MAN1C1: variants seen among roughly 807,000 people sequenced by gnomAD.
MAN1C1 encodes mannosidase alpha class 1C member 1.
Under a neutral mutation model 71.5 loss-of-function variants are expected in MAN1C1, and 49 were observed. The ratio of observed to expected loss-of-function variants is 0.69; its 90% CI spans 0.54 to 0.87. MAN1C1 has a LOEUF of 0.87. Ranked by LOEUF, MAN1C1 falls within the 40% of genes least tolerant of loss-of-function variation. MAN1C1 has a pLI of 0.00. For missense variants in MAN1C1, 743 were observed against 835.0 expected (o/e 0.89, Z 1.36); for synonymous variants, 352 against 343.7 (o/e 1.02, Z -0.27).
intron 6 of MAN1C1, among the ~76,000 whole-genome samples, chr1:25,762,890 A>G (rs1343020356): frequency 6.6e-6 from 1 of 152,194 alleles, no homozygotes; most frequent in Non-Finnish European, 1.5e-5. Context: ...GGATTGCTGG[A>G]TTTGACCATT....
intron 1 of MAN1C1, among the ~76,000 whole-genome samples, chr1:25,681,893 C>T (rs2046160001): frequency 1.3e-5 from 2 of 151,902 alleles, no homozygotes; most frequent in Non-Finnish European, 2.9e-5. Context: ...AAATGATGAT[C>T]CGTAGGAGCC....
chr1:25,783,876 G>A lies in MAN1C1; in HGVS notation c.*87G>A, dbSNP rs984995161. 2.8e-5 allele frequency: 42 copies of A among 1,504,932 alleles called. No individual in the cohort carries two copies. Among genetic ancestry groups the A allele is most frequent in the African/African-American group, 2.5e-4 (18 of 72,392 alleles). 93.2% of individuals were successfully genotyped at this position (1,504,932 alleles called of 1,614,324 possible). On this transcript the variant is annotated 3_prime_UTR_variant, in exon 12 of 12. Transcript: ENST00000374332. Reference sequence around the variant, plus strand: ...GACTGTTCTCAAAGGGATTGGGAACGAAGGCCCCATCTCGGGCAGACCCCC... The same window carrying A: ...GACTGTTCTCAAAGGGATTGGGAACAAAGGCCCCATCTCGGGCAGACCCCC...
intron 3 of MAN1C1, among the ~76,000 whole-genome samples, chr1:25,748,180 C>T (rs2047163505): frequency 6.6e-6 from 1 of 152,100 alleles, no homozygotes; most frequent in African/African-American, 2.4e-5. Flanking sequence ...GCAGGTGGGG[C>T]AGGTGAGGAA....
At chr1:25,714,052 C>T (rs945672384) in intron 2 of MAN1C1, among the ~76,000 whole-genome samples, 2 of 152,176 alleles carry the variant, frequency 1.3e-5, no homozygotes, top group Admixed American at 6.5e-5. Flanking sequence ...TAAAATGCAG[C>T]GTAGCAGAGA....
Position 25,618,063 on chromosome 1 carries a change from C to T in MAN1C1, c.266C>T (p.Pro89Leu). The T allele has an allele frequency of 6.5e-7, 1 of 1,545,978 alleles. No homozygotes were observed. Among genetic ancestry groups the T allele is most frequent in the Non-Finnish European group, 8.7e-7 (1 of 1,151,578 alleles). The stretch of plus-strand genomic sequence containing the variant: ...CCTCCCAACCCGGCCCCCGCCGCGC[C>T]GGCCCCGGGCGAGGATGACCCCAGC... ...EPPPNPAPAAPAPGEDDPSSW... is the reference protein window; with the variant it reads ...EPPPNPAPAALAPGEDDPSSW... The change falls in exon 1 of 12, where the codon CCG becomes CTG. Residue 89 changes from proline (P) to leucine (L), a missense_variant. By Grantham distance (98) the Pro-to-Leu change is moderately conservative (BLOSUM62 -3). Coordinates refer to ENST00000374332, the MANE Select transcript of MAN1C1 (RefSeq NM_020379.4).
chr1:25,624,287 A>G (rs1195481452), intron 1 of MAN1C1, among the ~76,000 whole-genome samples: 1 of 152,094 alleles, frequency 6.6e-6, no homozygotes, highest in Non-Finnish European at 1.5e-5. Context: ...CTAAATGTAG[A>G]GTTGATGCAA....
At chr1:25,719,532 C>T (rs945877845) in intron 2 of MAN1C1, among the ~76,000 whole-genome samples, 5 of 151,806 alleles carry the variant, frequency 3.3e-5, no homozygotes, top group Non-Finnish European at 7.4e-5. Context: ...TCAAGCAATC[C>T]TCCCACCTCA....
intron 5 of MAN1C1, among the ~76,000 whole-genome samples, chr1:25,758,339 G>T (rs1423551054): frequency 6.6e-6 from 1 of 152,188 alleles, no homozygotes; most frequent in East Asian, 1.9e-4. Context: ...TACAGGGGTT[G>T]CTTGATGATG....
intron 2 of MAN1C1, among the ~76,000 whole-genome samples, chr1:25,699,479 T>A (rs985007441): frequency 6.6e-6 from 1 of 151,942 alleles, no homozygotes. Flanking sequence ...CATCTGTGAG[T>A]GGTGCTGGCA....
rs1309862067 is a variant in MAN1C1, at chr1:25,657,658, GACAA to G, written c.541-28778_541-28775del. On this transcript the variant is annotated intron_variant, in intron 1 of 11. Coordinates refer to ENST00000374332, the MANE Select transcript of MAN1C1 (RefSeq NM_020379.4). ...TTTGGGGGTTTGGGGGCTGCCCTTT[GACAA>G]ACACACAAAAAGGAGATTGATACAG... 3.9e-5 allele frequency among the ~76,000 whole-genome samples: 6 copies of G among 152,258 alleles called. No individual in the cohort carries two copies. The East Asian group carries it at 1.2e-3, about 29-fold the overall frequency.
chr1:25,734,563 G>C (rs1408349775), intron 2 of MAN1C1, among the ~76,000 whole-genome samples: 1 of 152,252 alleles, frequency 6.6e-6, no homozygotes, highest in African/African-American at 2.4e-5. Flanking sequence ...GCTTTTGTGG[G>C]GGTGTCCACC....
chr1:25,664,263 T>G (rs1283128884), intron 1 of MAN1C1, among the ~76,000 whole-genome samples: 3 of 151,782 alleles, frequency 2.0e-5, no homozygotes, highest in Non-Finnish European at 2.9e-5. Flanking sequence ...CCTACTAGTT[T>G]TTTTTTTTTT....
chr1:25,771,817 C>T, intron 8 of MAN1C1, 45 bp downstream of exon 8: 2 of 1,506,104 alleles, frequency 1.3e-6, no homozygotes, highest in Non-Finnish European at 9.2e-7. Flanking sequence ...GTCACCAGCC[C>T]CCGGCTCTCT....
chr1:25,767,206 T>C (rs2047440665), intron 7 of MAN1C1, among the ~76,000 whole-genome samples: 1 of 88,366 alleles, frequency 1.1e-5, no homozygotes, highest in Admixed American at 1.6e-4. Context: ...ACACACACAT[T>C]ACACACTCCC....
chr1:25,635,678 A>T (rs1038634230), intron 1 of MAN1C1, among the ~76,000 whole-genome samples: 1 of 151,820 alleles, frequency 6.6e-6, no homozygotes, highest in Non-Finnish European at 1.5e-5. Flanking sequence ...CAAACTCCTG[A>T]CCTCATGTGA....
chr1:25,657,868 T>G (rs1428886688), intron 1 of MAN1C1, among the ~76,000 whole-genome samples: 2 of 152,238 alleles, frequency 1.3e-5, no homozygotes, highest in African/African-American at 4.8e-5. Context: ...TGCTCTGCAT[T>G]GAGGCCCCAG....
At position 25,776,273 on chromosome 1, in the gene MAN1C1, A is replaced by G. The variant is rs113756063; in HGVS notation, c.1258-1832A>G. ...TGATCACAAATTGTACCTCTCAGCC[A>G]GTTGTGGTGGCTCACGCCTGTAATC... On this transcript the variant is annotated intron_variant, in intron 8 of 11. Coordinates refer to ENST00000374332, the MANE Select transcript of MAN1C1 (RefSeq NM_020379.4). This position sits in a 1 kb window ranked among gnomAD's most constrained non-coding sequence, Gnocchi z 4.3. Among the ~76,000 whole-genome samples the G allele has an allele frequency of 6.6e-3, 998 of 151,096 alleles. 17 individuals are homozygous for G. The highest frequency in any genetic ancestry group is 0.022 in the African/African-American group (920 of 41,270).
chr1:25,738,108 T>TCTA (rs139996686), intron 2 of MAN1C1, among the ~76,000 whole-genome samples: 2,717 of 152,214 alleles, frequency 0.018, 73 homozygotes, highest in African/African-American at 0.062. Context: ...GTAAGAGCAT[T>TCTA]CTATTGGGTT....
chr1:25,693,745 G>A (rs963747167), intron 2 of MAN1C1, among the ~76,000 whole-genome samples: 18 of 152,208 alleles, frequency 1.2e-4, no homozygotes, highest in Non-Finnish European at 2.6e-4. Flanking sequence ...TGGACAGAGA[G>A]GAGAATGGAT....
Sources: allele counts gnomAD v4.1 joint callset (sites outside exome capture counted in the v4.1 genomes callset), GRCh38; gene constraint gnomAD v4.1.1; non-coding constraint Gnocchi (gnomAD v3.1); transcripts MANE v1.5; gene names NCBI Gene and HGNC (gene_info 2026-07-23, HGNC 2026-07-21).